The following PRIM2 variants were observed in gnomAD, a reference collection of about 807,000 sequenced individuals.
PRIM2 encodes DNA primase subunit 2.
A neutral mutation model predicts 67.3 loss-of-function variants in PRIM2; 39 were observed. The ratio of observed to expected loss-of-function variants is 0.58; its 90% confidence interval spans 0.45 to 0.76. The LOEUF is 0.76. Ranked by LOEUF, PRIM2 falls within the 30% of genes least tolerant of loss-of-function variation. The probability of loss-of-function intolerance (pLI) is 0.00; values close to 1 mark genes in which losing one functional copy is unlikely to be tolerated. For missense variants in PRIM2, 398 were observed against 598.7 expected (o/e 0.66, Z 3.50); for synonymous variants, 143 against 198.7 (o/e 0.72, Z 2.36).
the PRIM2 span, among the ~76,000 whole-genome samples, chr6:57,254,979 A>G: frequency 6.6e-6 from 1 of 152,150 alleles, no homozygotes; most frequent in Non-Finnish European, 1.5e-5. Context: ...TGGCCTGGCG[A>G]TATTTTCCAG....
chr6:57,279,244 C>G, the PRIM2 span, among the ~76,000 whole-genome samples: 2 of 152,200 alleles, frequency 1.3e-5, no homozygotes, highest in African/African-American at 4.8e-5. Context: ...CACATTAGAG[C>G]TGGAAAATCT....
intron 13 of PRIM2, among the ~76,000 whole-genome samples, chr6:57,634,991 A>C (rs1777095100): frequency 6.6e-6 from 1 of 152,196 alleles, no homozygotes; most frequent in African/African-American, 2.4e-5. Flanking sequence ...TTTAATTTAA[A>C]AATAGAATCT....
chr6:57,439,261 T>A (rs1366027609), intron 7 of PRIM2, among the ~76,000 whole-genome samples: 1 of 152,158 alleles, frequency 6.6e-6, no homozygotes, highest in Non-Finnish European at 1.5e-5. Flanking sequence ...ATTTTACCTT[T>A]TTTATTTAAT....
At chr6:57,359,071 C>T (rs1446556943) in intron 5 of PRIM2, among the ~76,000 whole-genome samples, 5 of 152,294 alleles carry the variant, frequency 3.3e-5, no homozygotes, top group African/African-American at 1.2e-4. Flanking sequence ...CCAGCTGAAA[C>T]TCATTACCCT....
Position 57,575,503 on chromosome 6 carries a change from T to TG in PRIM2, c.1021-25588dup, listed in dbSNP as rs1359986286. Among the ~76,000 whole-genome samples, 15 of 152,298 alleles carry TG rather than the reference T, an allele frequency of 9.8e-5. No individual in the cohort carries two copies. The East Asian group carries it at 2.5e-3, about 26-fold the overall frequency. On this transcript the variant is annotated intron_variant, in intron 10 of 13. Coordinates refer to ENST00000615550, the MANE Select transcript of PRIM2 (RefSeq NM_000947.5). ...GCATAGGGAATCAGCAGACCTAGAT[T>TG]GGAGTTTTAGATGTGCTATTGAGGG...
upstream of PRIM2, among the ~76,000 whole-genome samples, chr6:57,316,116 T>G (rs1041192943): frequency 2.6e-5 from 4 of 152,244 alleles, no homozygotes; most frequent in Non-Finnish European, 5.9e-5. Flanking sequence ...TTGTGTCCTT[T>G]TGACTTCATT....
chr6:57,485,295 C>T (rs1284296863), intron 7 of PRIM2, among the ~76,000 whole-genome samples: 1 of 152,112 alleles, frequency 6.6e-6, no homozygotes, highest in African/African-American at 2.4e-5. Context: ...CTATGAGGCC[C>T]TGCCCTTGCC....
intron 10 of PRIM2, among the ~76,000 whole-genome samples, chr6:57,573,471 C>A (rs1775898927): frequency 6.6e-6 from 1 of 151,912 alleles, no homozygotes. Context: ...TATTAAAGTT[C>A]TTCAGGAACA....
At chr6:57,346,078 C>T (rs1311354862) in intron 5 of PRIM2, among the ~76,000 whole-genome samples, 2 of 152,098 alleles carry the variant, frequency 1.3e-5, no homozygotes, top group Non-Finnish European at 2.9e-5. Flanking sequence ...TTTAATGCAT[C>T]CTGTTTTATC....
At chr6:57,587,304 G>C (rs1776206824) in intron 10 of PRIM2, among the ~76,000 whole-genome samples, 1 of 152,132 alleles carries the variant, frequency 6.6e-6, no homozygotes, top group Non-Finnish European at 1.5e-5. Context: ...TAACAGTCCA[G>C]GTGTATTGTT....
chr6:57,427,414 G>T (rs763113742), intron 7 of PRIM2, among the ~76,000 whole-genome samples: 1 of 152,126 alleles, frequency 6.6e-6, no homozygotes, highest in Non-Finnish European at 1.5e-5. Flanking sequence ...CGTCTCCTGG[G>T]TTCAAGCTAT....
rs984216763 is a variant in PRIM2 at position 57,324,263 on chromosome 6, G to A, written c.321G>A (p.Arg107=). The A allele has an allele frequency of 6.2e-7, 1 of 1,601,124 alleles. No individual in the cohort carries two copies. Residue 107 remains arginine, a synonymous_variant, in exon 4 of 14, where the codon CGG becomes CGA. Transcript: ENST00000615550. The part of the protein sequence containing the change: ...RRDHISHFIL[R]LAYCQSEELR... ...ATCATATTTCTCATTTTATTTTGCGGCTTGCTTATTGCCAGTCGTAAGTAT... is the reference window on the plus strand; with the variant it reads ...ATCATATTTCTCATTTTATTTTGCGACTTGCTTATTGCCAGTCGTAAGTAT...
intron 12 of PRIM2, among the ~76,000 whole-genome samples, chr6:57,623,834 T>C (rs1776900259): frequency 6.6e-6 from 1 of 152,152 alleles, no homozygotes; most frequent in Non-Finnish European, 1.5e-5. Context: ...AATGTATTTC[T>C]TGTTAAAGTT....
At chr6:57,418,489 C>T (rs1209452274) in intron 7 of PRIM2, among the ~76,000 whole-genome samples, 3 of 145,986 alleles carry the variant, frequency 2.1e-5, no homozygotes, top group Admixed American at 7.0e-5. Flanking sequence ...CTCTGCCTCC[C>T]GGGTTCAAGC....
At chr6:57,279,626 G>T in the PRIM2 span, among the ~76,000 whole-genome samples, 3 of 152,144 alleles carry the variant, frequency 2.0e-5, no homozygotes, top group African/African-American at 4.8e-5. Context: ...GGCGCTACAG[G>T]AGAAACAATG....
chr6:57,480,150 G>C (rs2127405328), intron 7 of PRIM2, among the ~76,000 whole-genome samples: 1 of 152,324 alleles, frequency 6.6e-6, no homozygotes, highest in South Asian at 2.1e-4. Context: ...GATTCACTTG[G>C]AAGTAAGGAG....
At chr6:57,393,139 G>A (rs1005094768) in intron 7 of PRIM2, among the ~76,000 whole-genome samples, 7 of 148,880 alleles carry the variant, frequency 4.7e-5, no homozygotes, top group South Asian at 2.1e-4. Flanking sequence ...TACCTTTTTC[G>A]AATAATGACT....
intron 10 of PRIM2, among the ~76,000 whole-genome samples, chr6:57,597,171 A>G (rs1776381601): frequency 6.6e-6 from 1 of 152,216 alleles, no homozygotes; most frequent in Admixed American, 6.5e-5. Flanking sequence ...CATTGCAACA[A>G]GAAAGGTACA....
chr6:57,632,884 A>C (rs1777059136), intron 13 of PRIM2, among the ~76,000 whole-genome samples: 1 of 152,188 alleles, frequency 6.6e-6, no homozygotes, highest in Non-Finnish European at 1.5e-5. Flanking sequence ...ACTATACACG[A>C]GTCAGGGAAA....
Sources: allele counts gnomAD v4.1 joint callset (sites outside exome capture counted in the v4.1 genomes callset), GRCh38; gene constraint gnomAD v4.1.1; transcripts MANE v1.5; gene names NCBI Gene and HGNC (gene_info 2026-07-23, HGNC 2026-07-21).